The following DLGAP2 variants were observed in gnomAD, a reference collection of about 807,000 sequenced individuals.
DLGAP2 encodes the protein DLG associated protein 2.
Under a neutral mutation model 100.3 loss-of-function variants are expected in DLGAP2, and 26 were observed. The observed-to-expected ratio is 0.26, with a 90% CI of 0.19 to 0.36. The LOEUF is 0.36. DLGAP2 is among the 10% of genes least tolerant of loss of function. The pLI, the probability that DLGAP2 is intolerant of heterozygous loss-of-function variation, is 1.00. For missense variants in DLGAP2, 1,858 were observed against 1,453.2 expected, an observed-to-expected ratio of 1.28 and a Z score of -4.53; for synonymous variants, 886 against 630.1, an observed-to-expected ratio of 1.41 and a Z score of -6.08.
chr8:1,169,584 A>G (rs1278995601), intron 2 of DLGAP2, among the ~76,000 whole-genome samples: 3 of 152,178 alleles, frequency 2.0e-5, no homozygotes, highest in African/African-American at 7.2e-5. Context: ...GTTGTCCTTG[A>G]AAAGGTCCTT....
chr8:1,045,465 G>A (rs527483044), intron 2 of DLGAP2, among the ~76,000 whole-genome samples: 30 of 152,260 alleles, frequency 2.0e-4, no homozygotes, highest in Middle Eastern at 3.4e-3. Context: ...GCTAATTAAC[G>A]TATGCATTAC....
At chr8:741,508 T>G (rs1820484564) in intron 1 of DLGAP2, among the ~76,000 whole-genome samples, 1 of 152,174 alleles carries the variant, frequency 6.6e-6, no homozygotes, top group South Asian at 2.1e-4. Context: ...TGTTCTGACA[T>G]CCCGGTGATG....
chr8:815,953 G>T (rs62488852), intron 1 of DLGAP2, among the ~76,000 whole-genome samples: 2 of 152,094 alleles, frequency 1.3e-5, no homozygotes, highest in African/African-American at 4.8e-5. Flanking sequence ...CCTTTTTTCA[G>T]TGTATAATGC....
intron 3 of DLGAP2, among the ~76,000 whole-genome samples, chr8:1,330,768 G>C (rs1235495668): frequency 7.0e-6 from 1 of 142,620 alleles, no homozygotes; most frequent in Non-Finnish European, 1.5e-5. Flanking sequence ...CGCTTCATCG[G>C]GACCGAGTTC....
intron 2 of DLGAP2, among the ~76,000 whole-genome samples, chr8:970,180 C>G (rs950305303): frequency 1.3e-5 from 2 of 152,166 alleles, no homozygotes; most frequent in Non-Finnish European, 2.9e-5. Context: ...TTTGCTGAGT[C>G]AGATAGTGAT....
chr8:1,263,976 G>T (rs1448935957), intron 3 of DLGAP2, among the ~76,000 whole-genome samples: 1 of 152,148 alleles, frequency 6.6e-6, no homozygotes, highest in Non-Finnish European at 1.5e-5. Flanking sequence ...TGTCTTCTAG[G>T]ACCTGAACAT....
chr8:1,225,349 T>C (rs995945339), intron 2 of DLGAP2, among the ~76,000 whole-genome samples: 1 of 152,226 alleles, frequency 6.6e-6, no homozygotes, highest in East Asian at 1.9e-4. Flanking sequence ...TATTCTGTGA[T>C]TTCACATCAA....
At chr8:982,099 C>A (rs1402564842) in intron 2 of DLGAP2, among the ~76,000 whole-genome samples, 2 of 152,240 alleles carry the variant, frequency 1.3e-5, no homozygotes, top group Non-Finnish European at 2.9e-5. Flanking sequence ...TAGGAATGCT[C>A]TTCAGCCTCC....
chr8:1,645,255 A>T (rs1390211149), intron 8 of DLGAP2, among the ~76,000 whole-genome samples: 1 of 152,240 alleles, frequency 6.6e-6, no homozygotes. Flanking sequence ...ATTCTGTAGA[A>T]ACCATACTCT....
intron 2 of DLGAP2, among the ~76,000 whole-genome samples, chr8:1,247,375 G>T (rs1257769100): frequency 1.4e-5 from 2 of 144,940 alleles, no homozygotes; most frequent in Admixed American, 6.8e-5. Context: ...GGGAGTGATG[G>T]TCCATGTTGG....
chr8:1,192,668 T>C (rs1797665074), intron 2 of DLGAP2, among the ~76,000 whole-genome samples: 1 of 151,480 alleles, frequency 6.6e-6, no homozygotes. Flanking sequence ...GGTTTCTTTT[T>C]TTTTTTTTTA....
At chr8:1,246,623 G>T (rs1447534940) in intron 2 of DLGAP2, among the ~76,000 whole-genome samples, 1 of 152,238 alleles carries the variant, frequency 6.6e-6, no homozygotes, top group East Asian at 1.9e-4. Context: ...CCCAAGTTTA[G>T]TGAAGACAAT....
At chr8:1,224,358 A>G (rs1563263510) in intron 2 of DLGAP2, among the ~76,000 whole-genome samples, 1 of 152,212 alleles carries the variant, frequency 6.6e-6, no homozygotes, top group African/African-American at 2.4e-5. Flanking sequence ...GTCATATCCC[A>G]AGCACCAAGA....
chr8:785,807 TC>T (rs1491272445), intron 1 of DLGAP2, among the ~76,000 whole-genome samples: 1 of 51,546 alleles, frequency 1.9e-5, no homozygotes, highest in African/African-American at 7.2e-5. Context: ...GCCTCCCTCC[TC>T]CCCTCAGGCT....
intron 4 of DLGAP2, among the ~76,000 whole-genome samples, chr8:1,532,299 C>T (rs1002893234): frequency 1.4e-4 from 21 of 152,304 alleles, no homozygotes; most frequent in African/African-American, 4.6e-4. Flanking sequence ...ACTGCCATTC[C>T]GATCCTTCTC....
Position 1,677,017 on chromosome 8 carries a change from T to TTACC in DLGAP2, c.2288+399_2288+400insTACC, listed in dbSNP as rs1458347180. On this transcript the variant is annotated intron_variant, in intron 11 of 14. Coordinates refer to ENST00000637795, the MANE Select transcript of DLGAP2 (RefSeq NM_001346810.2). ...GGCCTTCATACACCGTGAAATTGTTTCACTTCAAAAATATTACCTAGAAAC... is the reference window on the plus strand; with the variant it reads ...GGCCTTCATACACCGTGAAATTGTTTTACCCACTTCAAAAATATTACCTAGAAAC... Among the ~76,000 whole-genome samples the TTACC allele has an allele frequency of 7.2e-5, 11 of 152,364 alleles. No homozygotes were observed. In the East Asian group the frequency reaches 2.1e-3, roughly 29 times the overall value.
intron 1 of DLGAP2, among the ~76,000 whole-genome samples, chr8:873,338 C>T (rs982178616): frequency 1.3e-5 from 2 of 152,136 alleles, no homozygotes; most frequent in Admixed American, 6.5e-5. Context: ...CTCTTCATTA[C>T]CCTGGCTAGG....
At chr8:1,362,705 C>T (rs779256054) in intron 3 of DLGAP2, among the ~76,000 whole-genome samples, 3 of 152,226 alleles carry the variant, frequency 2.0e-5, no homozygotes, top group Non-Finnish European at 2.9e-5. Flanking sequence ...ATCTATTTTC[C>T]GCCCATTTGC....
At chr8:1,386,344 G>C (rs941001712) in intron 3 of DLGAP2, among the ~76,000 whole-genome samples, 1 of 152,176 alleles carries the variant, frequency 6.6e-6, no homozygotes, top group Admixed American at 6.5e-5. Flanking sequence ...ATACAACATA[G>C]GCCGACACCC....
Sources: allele counts gnomAD v4.1 joint callset (sites outside exome capture counted in the v4.1 genomes callset), GRCh38; gene constraint gnomAD v4.1.1; transcripts MANE v1.5; gene names NCBI Gene and HGNC (gene_info 2026-07-23, HGNC 2026-07-21).